Variants in SLC16A12 observed in about 807,000 individuals in gnomAD.
SLC16A12 encodes monocarboxylate transporter 12.
Under a neutral mutation model 42.4 loss-of-function variants are expected in SLC16A12, and 17 were observed. The ratio of observed to expected loss-of-function variants is 0.40; its 90% confidence interval spans 0.27 to 0.60. The LOEUF (loss-of-function observed/expected upper bound fraction) is 0.60, where lower values mean the gene tolerates loss of function less well. Ranked by LOEUF, SLC16A12 falls within the 20% of genes least tolerant of loss-of-function variation. The probability of loss-of-function intolerance (pLI) is 0.42; values close to 1 mark genes in which losing one functional copy is unlikely to be tolerated. For synonymous variants in SLC16A12, 224 were observed against 229.4 expected, an observed-to-expected ratio of 0.98 and a Z score of 0.21; for missense variants, 544 against 623.0, an observed-to-expected ratio of 0.87 and a Z score of 1.35.
intron 2 of SLC16A12, among the ~76,000 whole-genome samples, chr10:89,530,652 C>T (rs1288032696): frequency 1.3e-5 from 2 of 152,112 alleles, no homozygotes; most frequent in Non-Finnish European, 2.9e-5. Flanking sequence ...ATCTCCCGAC[C>T]TTGTGATTTG....
intron 2 of SLC16A12, among the ~76,000 whole-genome samples, chr10:89,531,085 T>C (rs972883864): frequency 3.3e-5 from 5 of 152,204 alleles, no homozygotes; most frequent in African/African-American, 1.2e-4. Context: ...TTAGCATTCA[T>C]ATTACATCGG....
chr10:89,519,498 T>C (rs543091128), intron 2 of SLC16A12, among the ~76,000 whole-genome samples: 1 of 152,224 alleles, frequency 6.6e-6, no homozygotes, highest in East Asian at 1.9e-4. Flanking sequence ...ACCGGAACTA[T>C]GAATAAAAAA....
At chr10:89,481,890 A>G (rs1842669502) in intron 2 of SLC16A12, among the ~76,000 whole-genome samples, 1 of 152,140 alleles carries the variant, frequency 6.6e-6, no homozygotes, top group Non-Finnish European at 1.5e-5. Context: ...GGCTCGCATG[A>G]GGAAATCATT....
In SLC16A12 at chr10:89,522,861, C is replaced by T. The variant is rs527969594; in HGVS notation, c.-47+11640G>A. Among the ~76,000 whole-genome samples, 26 of 152,308 alleles carry T rather than the reference C, an allele frequency of 1.7e-4. No individual in the cohort carries two copies. In the South Asian group the frequency reaches 2.3e-3, roughly 13 times the overall value. Reference sequence around the variant, plus strand: ...ATGTAAGGTATTTTAACAATGCTTGCGATATAGAAAGTGCCCAAAACACGT... The same window carrying T: ...ATGTAAGGTATTTTAACAATGCTTGTGATATAGAAAGTGCCCAAAACACGT... On this transcript the variant is annotated intron_variant, in intron 2 of 7. Transcript: ENST00000371790.
At chr10:89,549,972 A>G (rs1187140721) in intron 2 of SLC16A12, among the ~76,000 whole-genome samples, 3 of 152,130 alleles carry the variant, frequency 2.0e-5, no homozygotes, top group Admixed American at 1.3e-4. Flanking sequence ...TGGTTTTATT[A>G]TATTGGACTT....
rs1254846090 is a variant in SLC16A12, at chr10:89,438,835, C to G, written c.797G>C (p.Cys266Ser). 1.9e-6 allele frequency: 3 copies of G among 1,614,190 alleles called. No homozygotes were observed. The highest frequency in any genetic ancestry group is 1.7e-5 in the Admixed American group (1 of 60,012). Residue 266 changes from cysteine to serine, a missense_variant, in exon 6 of 8, where the codon TGC becomes TCC. By Grantham distance (112) the Cys-to-Ser change is moderately radical. Coordinates refer to ENST00000371790, the MANE Select transcript of SLC16A12 (RefSeq NM_213606.4). ...SSLTKEWAQT[C>S]LCCCLQQEYS... ...CTCTTGCTGCAAACAGCAACAGAGGCAAGTCTGTGCCCATTCTTTGGTCAA... is the reference window on the plus strand; with the variant it reads ...CTCTTGCTGCAAACAGCAACAGAGGGAAGTCTGTGCCCATTCTTTGGTCAA...
intron 3 of SLC16A12, among the ~76,000 whole-genome samples, chr10:89,445,690 C>T (rs932112782): frequency 7.2e-5 from 11 of 152,146 alleles, no homozygotes; most frequent in Non-Finnish European, 1.5e-4. Flanking sequence ...AACTGGAGCA[C>T]TTCTTCTCCT....
chr10:89,555,020 T>C (rs760803429), intron 2 of SLC16A12, among the ~76,000 whole-genome samples: 1 of 152,174 alleles, frequency 6.6e-6, no homozygotes, highest in Non-Finnish European at 1.5e-5. Context: ...TTGTCTGTCT[T>C]CCTCACTTAA....
intron 2 of SLC16A12, among the ~76,000 whole-genome samples, chr10:89,509,150 G>A (rs778334273): frequency 5.3e-5 from 8 of 152,030 alleles, no homozygotes; most frequent in African/African-American, 1.9e-4. Flanking sequence ...ATTCACAGCC[G>A]AATTCTACCA....
rs552184384 is a variant in SLC16A12, at chr10:89,432,185, C to T, written c.*879G>A. 11 of 152,686 alleles carry T rather than the reference C, an allele frequency of 7.2e-5. No homozygotes were observed. Among genetic ancestry groups the T allele is most frequent in the African/African-American group, 1.7e-4 (7 of 41,564 alleles). The allele number at this position is 152,686 out of a possible 1,614,324, so 9.5% of individuals were successfully genotyped here. On this transcript the variant is annotated 3_prime_UTR_variant, in exon 8 of 8. Coordinates refer to ENST00000371790, the MANE Select transcript of SLC16A12 (RefSeq NM_213606.4). Reference sequence around the variant, plus strand: ...GAGCTTCTTCTCTGAAGGTAAAAGACGGGAAGTTTTGGTGTTGTTGACATT... The same window carrying T: ...GAGCTTCTTCTCTGAAGGTAAAAGATGGGAAGTTTTGGTGTTGTTGACATT...
intron 2 of SLC16A12, among the ~76,000 whole-genome samples, chr10:89,541,723 T>C (rs141504642): frequency 1.3e-5 from 2 of 152,362 alleles, no homozygotes; most frequent in East Asian, 3.9e-4. Flanking sequence ...CCCCTGTGCA[T>C]TGTAGAACAT....
intron 3 of SLC16A12, among the ~76,000 whole-genome samples, chr10:89,446,131 T>C (rs988406986): frequency 1.3e-5 from 2 of 152,196 alleles, no homozygotes; most frequent in South Asian, 4.1e-4. Context: ...CTACATTTGA[T>C]TGGCGTCCCT....
At chr10:89,553,987 T>A (rs2133892618) in intron 2 of SLC16A12, among the ~76,000 whole-genome samples, 1 of 138,982 alleles carries the variant, frequency 7.2e-6, no homozygotes, top group East Asian at 2.1e-4. Context: ...AGAGCGAGAC[T>A]CCATCTCAAA....
At chr10:89,522,139 A>C (rs1843367771) in intron 2 of SLC16A12, among the ~76,000 whole-genome samples, 1 of 152,138 alleles carries the variant, frequency 6.6e-6, no homozygotes. Context: ...TGTACTCCCA[A>C]AGCCACACTA....
At position 89,541,568 on chromosome 10, in the gene SLC16A12, C is replaced by T. The variant is rs557779879; in HGVS notation, c.-47+14314G>A. 2.6e-5 allele frequency among the ~76,000 whole-genome samples: 4 copies of T among 152,324 alleles called. No homozygotes were observed. The East Asian group carries it at 7.7e-4, about 29-fold the overall frequency. On this transcript the variant is annotated intron_variant, in intron 2 of 2. Transcript: ENST00000475682. ...TGTTACAGCACTCCAGCTTGGGCGACAGAACTAGACCCAGTCTCTAAAAAT... is the reference window on the plus strand; with the variant it reads ...TGTTACAGCACTCCAGCTTGGGCGATAGAACTAGACCCAGTCTCTAAAAAT...
intron 2 of SLC16A12, among the ~76,000 whole-genome samples, chr10:89,486,615 G>GAAAGA (rs1842750575): frequency 1.0e-4 from 3 of 29,146 alleles, no homozygotes; most frequent in African/African-American, 6.7e-4. Context: ...AAGAAAGAAA[G>GAAAGA]AAAGAAAGAA....
At chr10:89,443,883 T>C in intron 3 of SLC16A12, 24 bp from the exon 4 acceptor site, 1 of 1,466,820 alleles carries the variant, frequency 6.8e-7, no homozygotes, top group Non-Finnish European at 9.6e-7. Context: ...TGCAGGCATT[T>C]TATACAAAAA....
chr10:89,498,023 G>T (rs1164800565), intron 2 of SLC16A12, among the ~76,000 whole-genome samples: 1 of 152,098 alleles, frequency 6.6e-6, no homozygotes, highest in Admixed American at 6.6e-5. Context: ...AATAAAGATA[G>T]TAGGGGCCAG....
At chr10:89,457,289 A>AG (rs1842210625) in intron 3 of SLC16A12, among the ~76,000 whole-genome samples, 1 of 152,160 alleles carries the variant, frequency 6.6e-6, no homozygotes, top group Admixed American at 6.5e-5. Flanking sequence ...AAGAAAAAAA[A>AG]CAAACAACCC....
Sources: allele counts gnomAD v4.1 joint callset (sites outside exome capture counted in the v4.1 genomes callset), GRCh38; gene constraint gnomAD v4.1.1; transcripts MANE v1.5; gene names NCBI Gene and HGNC (gene_info 2026-07-23, HGNC 2026-07-21).